CRACD: variants seen among roughly 807,000 people sequenced by gnomAD.
CRACD encodes capping protein inhibiting regulator of actin dynamics, also known as capping protein-inhibiting regulator of actin dynamics.
Under a neutral mutation model 106.8 loss-of-function variants are expected in CRACD, and 56 were observed. That is an observed-to-expected ratio of 0.52 (90% CI 0.42 to 0.66). The LOEUF is 0.66. Ranked by LOEUF, CRACD falls within the 30% of genes least tolerant of loss-of-function variation. The pLI, the probability that CRACD is intolerant of heterozygous loss-of-function variation, is 0.00. For synonymous variants in CRACD, 754 were observed against 670.8 expected (o/e 1.12, Z -1.92); for missense variants, 1,730 against 1,623.2 (o/e 1.07, Z -1.13).
At chr4:56,213,094 C>G (rs540880454) in intron 2 of CRACD, among the ~76,000 whole-genome samples, 1 of 152,250 alleles carries the variant, frequency 6.6e-6, no homozygotes, top group South Asian at 2.1e-4. Context: ...TCTGTAAGCT[C>G]CACTTTGGAT....
In CRACD at chr4:56,308,869, T is replaced by C. The variant is rs1744937242; in HGVS notation, c.285+1170T>C. ...TCTGAAGCAAATGTCCTCACAGTTATTGATGAGCTCATAAGTGCTGGGCAC... is the reference window on the plus strand; with the variant it reads ...TCTGAAGCAAATGTCCTCACAGTTACTGATGAGCTCATAAGTGCTGGGCAC... On this transcript the variant is annotated intron_variant, in intron 5 of 10. Transcript: ENST00000682029. 3.9e-6 allele frequency: 5 copies of C among 1,288,866 alleles called. No homozygotes were observed. The East Asian group carries it at 1.7e-4, about 43-fold the overall frequency. The allele number at this position is 1,288,866 out of a possible 1,614,324, so 79.8% of individuals were successfully genotyped here. A position where few individuals can be genotyped will look rare whatever the true frequency, so the allele number is the denominator to read the frequency against.
At chr4:56,265,426 G>A (rs1239394224) in intron 2 of CRACD, among the ~76,000 whole-genome samples, 5 of 151,418 alleles carry the variant, frequency 3.3e-5, no homozygotes, top group East Asian at 1.9e-4. Flanking sequence ...GTGTGTGTGT[G>A]TGTGTGTGTG....
At chr4:56,094,868 T>C (rs1733544763) in intron 1 of CRACD, among the ~76,000 whole-genome samples, 1 of 152,250 alleles carries the variant, frequency 6.6e-6, no homozygotes, top group African/African-American at 2.4e-5. Flanking sequence ...TCAGGTTTAT[T>C]GATACATTGT....
At chr4:56,117,083 C>T (rs191254767) in intron 1 of CRACD, among the ~76,000 whole-genome samples, 3,001 of 148,712 alleles carry the variant, frequency 0.02, 110 homozygotes, top group African/African-American at 0.072. Context: ...TGCAGTGGCA[C>T]GATCTCTGCT....
chr4:56,296,091 C>A (rs1267414601), intron 3 of CRACD, among the ~76,000 whole-genome samples: 1 of 152,164 alleles, frequency 6.6e-6, no homozygotes, highest in African/African-American at 2.4e-5. Context: ...GGCATCTGCA[C>A]CGTCTTCCTC....
intron 1 of CRACD, among the ~76,000 whole-genome samples, chr4:56,102,545 C>A (rs1733810354): frequency 6.6e-6 from 1 of 152,152 alleles, no homozygotes; most frequent in Non-Finnish European, 1.5e-5. Flanking sequence ...AACGAATTAC[C>A]TTTTTGGTGC....
rs575499949 is a variant in CRACD, at chr4:56,250,811, A to T, written c.-188-21510A>T. ...AACTTTAAGCCTGGCACATGGCCTA[A>T]GTTTAATACAGTATACTAATATTAC... On this transcript the variant is annotated intron_variant, in intron 2 of 10. Coordinates refer to ENST00000682029, the MANE Select transcript of CRACD (RefSeq NM_001393381.1). Among the ~76,000 whole-genome samples the T allele has an allele frequency of 2.6e-5, 4 of 152,342 alleles. No individual in the cohort carries two copies. In the South Asian group the frequency reaches 8.3e-4, roughly 32 times the overall value.
intron 2 of CRACD, among the ~76,000 whole-genome samples, chr4:56,235,382 A>G (rs560976936): frequency 2.0e-5 from 3 of 152,328 alleles, no homozygotes; most frequent in African/African-American, 7.2e-5. Flanking sequence ...TTTAGAGGTT[A>G]TTTTTATTTC....
intron 10 of CRACD, among the ~76,000 whole-genome samples, chr4:56,327,040 A>G (rs1746497067): frequency 6.6e-6 from 1 of 152,132 alleles, no homozygotes; most frequent in South Asian, 2.1e-4. Flanking sequence ...ACGCCTGGCC[A>G]GGAAGGTAGC....
chr4:56,113,653 C>T (rs921658512), intron 1 of CRACD, among the ~76,000 whole-genome samples: 12 of 152,118 alleles, frequency 7.9e-5, no homozygotes, highest in Non-Finnish European at 1.0e-4. Context: ...GATAGCACTT[C>T]ATCATAGCGT....
chr4:56,177,063 C>A (rs1736614074), intron 1 of CRACD, among the ~76,000 whole-genome samples: 1 of 152,078 alleles, frequency 6.6e-6, no homozygotes. Context: ...CTTTTCTTGT[C>A]TAATTGCTCT....
intron 1 of CRACD, among the ~76,000 whole-genome samples, chr4:56,063,064 GAAGAA>G (rs745915115): frequency 3.0e-5 from 4 of 133,422 alleles, no homozygotes; most frequent in Non-Finnish European, 6.4e-5. Flanking sequence ...AGCAAGGAAG[GAAGAA>G]AGGAAAGGAA....
rs142730990 is a variant in CRACD at position 56,095,389 on chromosome 4, C to T, written c.-336+46090C>T. On this transcript the variant is annotated intron_variant, in intron 1 of 10. Coordinates refer to ENST00000682029, the MANE Select transcript of CRACD (RefSeq NM_001393381.1). The stretch of plus-strand genomic sequence containing the variant: ...TATTGTTATCGCAGTGGAGAAATAG[C>T]GACGGCAGTAGAGACAAAGTGGGGG... Among the ~76,000 whole-genome samples the T allele has an allele frequency of 2.6e-3, 395 of 152,142 alleles. 2 individuals carry two copies. Among genetic ancestry groups the T allele is most frequent in the African/African-American group, 8.4e-3 (347 of 41,480 alleles).
intron 3 of CRACD, among the ~76,000 whole-genome samples, chr4:56,286,932 C>T (rs939967102): frequency 2.6e-5 from 4 of 152,164 alleles, no homozygotes; most frequent in African/African-American, 9.7e-5. Flanking sequence ...TTGCTGCTGG[C>T]ATGCTTATTA....
intron 1 of CRACD, among the ~76,000 whole-genome samples, chr4:56,060,178 C>T (rs553805749): frequency 6.6e-6 from 1 of 152,070 alleles, no homozygotes; most frequent in Admixed American, 6.6e-5. Flanking sequence ...TGTTGGGAGT[C>T]GTACTGAACG....
intron 2 of CRACD, among the ~76,000 whole-genome samples, chr4:56,248,559 A>G (rs1740841123): frequency 6.6e-6 from 1 of 150,988 alleles, no homozygotes; most frequent in South Asian, 2.1e-4. Context: ...TTATCTCTAT[A>G]TTAACCTTAC....
Position 56,076,993 on chromosome 4 carries a change from A to G in CRACD, c.-336+27694A>G, listed in dbSNP as rs574938724. Among the ~76,000 whole-genome samples, 42 of 152,262 alleles carry G rather than the reference A, an allele frequency of 2.8e-4. No homozygotes were observed. The South Asian group carries it at 8.3e-3, about 30-fold the overall frequency. On this transcript the variant is annotated intron_variant, in intron 1 of 10. Coordinates refer to ENST00000682029, the MANE Select transcript of CRACD (RefSeq NM_001393381.1). ...TCCTCCTAATTACTTGTCCTAATGG[A>G]CATGGTTTTATCTCTGAGTATAAGA...
rs192588708 is a variant in CRACD, at chr4:56,157,559, G to A, written c.-335-21725G>A. Among the ~76,000 whole-genome samples, 659 of 152,198 alleles carry A rather than the reference G, an allele frequency of 4.3e-3. 3 individuals are homozygous for A. The highest frequency in any genetic ancestry group is 0.01 in the Middle Eastern group (3 of 294). ...TGTCAGTTAGCTAGCAAATACCATC[G>A]CTGAGCAAAATGATCTCAGTGGGTT... On this transcript the variant is annotated intron_variant, in intron 1 of 10. Transcript: ENST00000682029.
At chr4:56,172,810 G>A (rs926695909) in intron 1 of CRACD, among the ~76,000 whole-genome samples, 1 of 152,148 alleles carries the variant, frequency 6.6e-6, no homozygotes, top group African/African-American at 2.4e-5. Context: ...TTTTAGTAGA[G>A]ACGGGTTTTC....
Sources: gnomAD v4.1 joint callset for allele counts (sites outside exome capture counted in the v4.1 genomes callset) on GRCh38, gnomAD v4.1.1 for gene constraint, MANE v1.5 for transcripts, NCBI Gene and HGNC (gene_info 2026-07-23, HGNC 2026-07-21) for gene names.